Variants in PIBF1 observed in about 807,000 individuals in gnomAD.
PIBF1 encodes progesterone immunomodulatory binding factor 1.
Under a neutral mutation model 112.5 loss-of-function variants are expected in PIBF1, and 90 were observed. The observed-to-expected ratio is 0.80, with a 90% CI of 0.67 to 0.95. The LOEUF (loss-of-function observed/expected upper bound fraction) is 0.95, where lower values mean the gene tolerates loss of function less well. Ranked by LOEUF, PIBF1 falls within the 40% of genes least tolerant of loss-of-function variation. The pLI is 0.00. For synonymous variants in PIBF1, 301 were observed against 288.6 expected (o/e 1.04, Z -0.44); for missense variants, 915 against 852.3 (o/e 1.07, Z -0.92).
chr13:73,001,738 C>T (rs1423927329), intron 17 of PIBF1, among the ~76,000 whole-genome samples: 2 of 151,606 alleles, frequency 1.3e-5, no homozygotes, highest in Admixed American at 6.6e-5. Context: ...ATTCTCCTGC[C>T]TCATCCTCCT....
At chr13:72,988,792 T>C (rs534770300) in intron 16 of PIBF1, among the ~76,000 whole-genome samples, 17 of 152,308 alleles carry the variant, frequency 1.1e-4, no homozygotes, top group Non-Finnish European at 1.8e-4. Context: ...ATCCCAGCAC[T>C]TTGGGAGGCT....
Position 72,797,381 on chromosome 13 carries a change from A to G in PIBF1, c.553-526A>G, listed in dbSNP as rs552269011. Among the ~76,000 whole-genome samples, 5 of 152,328 alleles carry G rather than the reference A, an allele frequency of 3.3e-5. No individual in the cohort carries two copies. In the East Asian group the frequency reaches 9.6e-4, roughly 29 times the overall value. On this transcript the variant is annotated intron_variant, in intron 4 of 17. Transcript: ENST00000326291. ...GCAATAACTTAAAAATTAAATATGT[A>G]GAATATCTGTTTGTCAAAGGTGCTA...
intron 12 of PIBF1, among the ~76,000 whole-genome samples, chr13:72,910,523 G>A (rs1359847872): frequency 6.6e-6 from 1 of 152,152 alleles, no homozygotes; most frequent in African/African-American, 2.4e-5. Flanking sequence ...AAAACCAACA[G>A]CTAAAATTGT....
chr13:73,008,245 A>G (rs2044098613), intron 17 of PIBF1, among the ~76,000 whole-genome samples: 1 of 152,224 alleles, frequency 6.6e-6, no homozygotes, highest in Admixed American at 6.5e-5. Context: ...GAGTTCATAC[A>G]GCAAAATATG....
At chr13:73,007,714 C>T (rs2044079857) in intron 17 of PIBF1, among the ~76,000 whole-genome samples, 1 of 150,976 alleles carries the variant, frequency 6.6e-6, no homozygotes, top group Admixed American at 6.6e-5. Flanking sequence ...GAGGCTGAGG[C>T]AGGAGAATCG....
intron 14 of PIBF1, among the ~76,000 whole-genome samples, chr13:72,932,948 G>C (rs1272785582): frequency 6.6e-6 from 1 of 152,004 alleles, no homozygotes; most frequent in Non-Finnish European, 1.5e-5. Flanking sequence ...CCATTTACTT[G>C]TTGATGGACA....
chr13:72,988,641 T>G (rs1363269297), intron 16 of PIBF1, among the ~76,000 whole-genome samples: 1 of 152,200 alleles, frequency 6.6e-6, no homozygotes, highest in Non-Finnish European at 1.5e-5. Context: ...AAAGTTATAT[T>G]TTCTTTTAAA....
intron 5 of PIBF1, among the ~76,000 whole-genome samples, chr13:72,804,899 A>G (rs1358986417): frequency 6.6e-6 from 1 of 152,228 alleles, no homozygotes; most frequent in African/African-American, 2.4e-5. Context: ...TAAGTGTTCA[A>G]TAAGTAAGAT....
intron 14 of PIBF1, among the ~76,000 whole-genome samples, chr13:72,964,294 G>C (rs2042682190): frequency 6.6e-6 from 1 of 152,180 alleles, no homozygotes. Flanking sequence ...AATTCACAGA[G>C]ACAGAAAGTA....
chr13:72,945,540 A>G (rs943397367), intron 14 of PIBF1, among the ~76,000 whole-genome samples: 6 of 152,176 alleles, frequency 3.9e-5, no homozygotes, highest in African/African-American at 9.6e-5. Flanking sequence ...CCTCAGCCTC[A>G]CCAGTTTTGA....
chr13:72,799,026 C>CA (rs1428041169), intron 5 of PIBF1, among the ~76,000 whole-genome samples: 1 of 152,210 alleles, frequency 6.6e-6, no homozygotes, highest in African/African-American at 2.4e-5. Context: ...CCAAGAGAGG[C>CA]AATGCCTGCC....
intron 10 of PIBF1, among the ~76,000 whole-genome samples, chr13:72,859,530 A>G (rs1253792285): frequency 1.3e-5 from 2 of 152,182 alleles, no homozygotes; most frequent in African/African-American, 2.4e-5. Flanking sequence ...AATTAAAACC[A>G]TATTTAACAA....
At chr13:72,829,900 C>G (rs933153757) in intron 8 of PIBF1, among the ~76,000 whole-genome samples, 1 of 152,152 alleles carries the variant, frequency 6.6e-6, no homozygotes, top group African/African-American at 2.4e-5. Flanking sequence ...ATTGAATCTT[C>G]CTATCCGTGA....
chr13:72,892,812 A>ACACACACG (rs1158611061), intron 10 of PIBF1, among the ~76,000 whole-genome samples: 3 of 150,486 alleles, frequency 2.0e-5, no homozygotes, highest in Admixed American at 2.0e-4. Flanking sequence ...ACACACACGC[A>ACACACACG]CACGCACACA....
chr13:72,847,816 AT>A (rs755982198), intron 9 of PIBF1, among the ~76,000 whole-genome samples: 1 of 152,240 alleles, frequency 6.6e-6, no homozygotes, highest in Non-Finnish European at 1.5e-5. Context: ...TAGAAACAAG[AT>A]AATCTACATG....
Position 72,806,446 on chromosome 13 carries a change from A to G in PIBF1, c.672+8420A>G, listed in dbSNP as rs146676531. On this transcript the variant is annotated intron_variant, in intron 5 of 17. Coordinates refer to ENST00000326291, the MANE Select transcript of PIBF1 (RefSeq NM_006346.4). ...CGTGCAGGTAGTGTTACGTAGGTAT[A>G]CTCCTGCCATGGTGGTTTGCTGCAC... Among the ~76,000 whole-genome samples the G allele has an allele frequency of 2.7e-3, 407 of 150,840 alleles. 4 individuals are homozygous for G. Among genetic ancestry groups the G allele is most frequent in the African/African-American group, 9.7e-3 (396 of 41,022 alleles).
At chr13:72,813,341 G>T (rs2036110573) in intron 5 of PIBF1, among the ~76,000 whole-genome samples, 1 of 152,082 alleles carries the variant, frequency 6.6e-6, no homozygotes, top group South Asian at 2.1e-4. Flanking sequence ...CTGTCTTCTG[G>T]CAGGCAGCTG....
intron 14 of PIBF1, among the ~76,000 whole-genome samples, chr13:72,944,084 A>C (rs2138827489): frequency 6.6e-6 from 1 of 152,152 alleles, no homozygotes; most frequent in Admixed American, 6.5e-5. Flanking sequence ...TTTTCTTGTA[A>C]ATCTGGCAAT....
At chr13:72,822,994 T>C (rs918025095) in intron 6 of PIBF1, among the ~76,000 whole-genome samples, 3 of 151,930 alleles carry the variant, frequency 2.0e-5, no homozygotes, top group Non-Finnish European at 4.4e-5. Context: ...ACTTGGGAGA[T>C]TGAGGTGGGA....
Sources: gnomAD v4.1 joint callset for allele counts (sites outside exome capture counted in the v4.1 genomes callset) on GRCh38, gnomAD v4.1.1 for gene constraint, MANE v1.5 for transcripts, NCBI Gene and HGNC (gene_info 2026-07-23, HGNC 2026-07-21) for gene names.